The following CRTC1 variants were observed in gnomAD, a reference collection of about 807,000 sequenced individuals.
CRTC1 encodes CREB regulated transcription coactivator 1.
CRTC1 carries 18 observed loss-of-function variants against 66.1 expected under a neutral mutation model. That is an observed-to-expected ratio of 0.27 (90% CI 0.19 to 0.40). The LOEUF (loss-of-function observed/expected upper bound fraction) is 0.40, where lower values mean the gene tolerates loss of function less well. Ranked by LOEUF, CRTC1 falls within the 10% of genes least tolerant of loss-of-function variation. The pLI is 1.00. For synonymous variants in CRTC1, 416 were observed against 398.8 expected (o/e 1.04, Z -0.51); for missense variants, 669 against 887.9 (o/e 0.75, Z 3.13).
At chr19:18,774,436 G>A (rs1200474594) in intron 11 of CRTC1, among the ~76,000 whole-genome samples, 1 of 152,206 alleles carries the variant, frequency 6.6e-6, no homozygotes, top group Non-Finnish European at 1.5e-5. Context: ...GGCTCTGTGC[G>A]CCCATCCTGT....
intron 4 of CRTC1, among the ~76,000 whole-genome samples, chr19:18,749,561 G>A (rs754209288): frequency 2.6e-5 from 4 of 152,226 alleles, no homozygotes; most frequent in South Asian, 2.1e-4. Flanking sequence ...CACCTCGCGC[G>A]GCTGCTTTTT....
chr19:18,714,662 G>A (rs1387042172), intron 1 of CRTC1, among the ~76,000 whole-genome samples: 1 of 152,192 alleles, frequency 6.6e-6, no homozygotes, highest in Non-Finnish European at 1.5e-5. Context: ...GGTCAGATGT[G>A]GCTACTGGCC....
Position 18,780,397 on chromosome 19 carries a change from C to T in CRTC1, c.*3015C>T. 4.3e-6 allele frequency: 1 copy of T among 232,344 alleles called. No homozygotes were observed. The highest frequency in any genetic ancestry group is 1.8e-4 in the South Asian group (1 of 5,526). The allele number at this position is 232,344 out of a possible 1,614,324, so 14.4% of individuals were successfully genotyped here. ...AGTCTTGCAGGCAGAGGGTGTAGCC[C>T]AAGTTCAGCCTCTCTCTGTGTCCTC... On this transcript the variant is annotated 3_prime_UTR_variant, in exon 14 of 14. Coordinates refer to ENST00000321949, the MANE Select transcript of CRTC1 (RefSeq NM_015321.3).
chr19:18,765,392 C>T lies in CRTC1; in HGVS notation c.887-12C>T. On this transcript the variant is annotated splice_polypyrimidine_tract_variant and intron_variant, in intron 8 of 13. Transcript: ENST00000321949. ...TCACACCTGCTCTCCCTCCCTCCTA[C>T]TTCCTCTCTAGGAATGAGCACACCT... 3 of 1,605,600 alleles carry T rather than the reference C, an allele frequency of 1.9e-6. No homozygotes were observed. Among genetic ancestry groups the T allele is most frequent in the Non-Finnish European group, 2.6e-6 (3 of 1,174,544 alleles).
chr19:18,713,546 T>TGCACCCTTAGGTGTCCTCCTCGTGCCCC (rs1555778327), intron 1 of CRTC1, among the ~76,000 whole-genome samples: 34 of 150,084 alleles, frequency 2.3e-4, no homozygotes, highest in Non-Finnish European at 4.7e-4. Context: ...GCTGAGGCCC[T>TGCACCCTTAGGTGTCCTCCTCGTGCCCC]GCACCCTTAG....
intron 1 of CRTC1, among the ~76,000 whole-genome samples, chr19:18,685,105 T>C (rs986457872): frequency 6.6e-6 from 1 of 152,146 alleles, no homozygotes; most frequent in Non-Finnish European, 1.5e-5. Flanking sequence ...TTAACCTCAG[T>C]CTCTGATTCC....
chr19:18,744,126 G>C (rs1236947832), intron 2 of CRTC1: 4 of 1,612,770 alleles, frequency 2.5e-6, no homozygotes, highest in Non-Finnish European at 3.4e-6. Context: ...ATTTCTGGGG[G>C]AGGCCCTGGC....
In CRTC1 at chr19:18,781,963, C is replaced by G. The variant is rs2055112113; in HGVS notation, c.*4581C>G. The G allele has an allele frequency of 4.3e-6, 1 of 230,170 alleles. No individual in the cohort carries two copies. The highest frequency in any genetic ancestry group is 1.8e-4 in the South Asian group (1 of 5,508). 14.3% of individuals were successfully genotyped at this position (230,170 alleles called of 1,614,324 possible). On this transcript the variant is annotated 3_prime_UTR_variant, in exon 14 of 14. Coordinates refer to ENST00000321949, the MANE Select transcript of CRTC1 (RefSeq NM_015321.3). ...CCTGCCCACCAGGAGGGGACTTAGC[C>G]ATGGACTTGGCCAGTAGGCCTGGGG...
chr19:18,763,099 A>T (rs1302403618), intron 8 of CRTC1, among the ~76,000 whole-genome samples: 1 of 149,766 alleles, frequency 6.7e-6, no homozygotes, highest in Non-Finnish European at 1.5e-5. Flanking sequence ...ACTGTTTTTA[A>T]TTTTTTTTTT....
chr19:18,704,478 G>GA (rs1323066030), intron 1 of CRTC1, among the ~76,000 whole-genome samples: 1 of 152,156 alleles, frequency 6.6e-6, no homozygotes, highest in African/African-American at 2.4e-5. Context: ...TTGGGAGACT[G>GA]AAGCAGGTGG....
chr19:18,746,837 G>C (rs568913304), intron 3 of CRTC1, among the ~76,000 whole-genome samples: 1 of 152,332 alleles, frequency 6.6e-6, no homozygotes, highest in South Asian at 2.1e-4. Flanking sequence ...GTGCTAGGTG[G>C]ACAGGGCTGT....
intron 1 of CRTC1, among the ~76,000 whole-genome samples, chr19:18,702,786 G>A (rs900866206): frequency 1.3e-5 from 2 of 151,802 alleles, no homozygotes; most frequent in Non-Finnish European, 2.9e-5. Flanking sequence ...CACCTGCCTC[G>A]GCCCCCCAAA....
chr19:18,695,118 G>T (rs1012844491), intron 1 of CRTC1, among the ~76,000 whole-genome samples: 8 of 152,056 alleles, frequency 5.3e-5, no homozygotes, highest in East Asian at 1.9e-4. Context: ...TGATCTGCCC[G>T]CCTCGGCCTC....
intron 1 of CRTC1, among the ~76,000 whole-genome samples, chr19:18,729,382 C>T (rs538190732): frequency 1.0e-4 from 15 of 148,952 alleles, no homozygotes; most frequent in Admixed American, 8.0e-4. Context: ...GCTGAGATCG[C>T]GCCACTGCAC....
chr19:18,779,992 G>A lies in CRTC1; in HGVS notation c.*2610G>A, dbSNP rs992583716. The A allele has an allele frequency of 8.7e-6, 2 of 228,850 alleles. No individual in the cohort carries two copies. The highest frequency in any genetic ancestry group is 1.7e-5 in the Non-Finnish European group (2 of 115,312). 14.2% of individuals were successfully genotyped at this position (228,850 alleles called of 1,614,324 possible). On this transcript the variant is annotated 3_prime_UTR_variant, in exon 14 of 14. Transcript: ENST00000321949. ...ATCACGGCCTTTTGTGTGTGCGTAC[G>A]TGTGGTTTTTTTAAATATCACTACT...
intron 11 of CRTC1, among the ~76,000 whole-genome samples, chr19:18,772,136 C>G (rs2054883616): frequency 6.6e-6 from 1 of 152,152 alleles, no homozygotes; most frequent in South Asian, 2.1e-4. Flanking sequence ...CTGGGTTTTC[C>G]TGTTGCACCC....
intron 8 of CRTC1, 110 bp from the exon 9 acceptor site, chr19:18,765,294 T>C: frequency 6.9e-7 from 1 of 1,448,398 alleles, no homozygotes; most frequent in Non-Finnish European, 9.2e-7. Flanking sequence ...CATGGGCTTC[T>C]GTCTGAGCAG....
chr19:18,711,121 G>A (rs1219574967), intron 1 of CRTC1, among the ~76,000 whole-genome samples: 1 of 152,158 alleles, frequency 6.6e-6, no homozygotes, highest in Non-Finnish European at 1.5e-5. Context: ...GGTGAGACCC[G>A]CATTCCCAGC....
At chr19:18,714,757 C>A (rs927945236) in intron 1 of CRTC1, among the ~76,000 whole-genome samples, 1 of 152,202 alleles carries the variant, frequency 6.6e-6, no homozygotes, top group Non-Finnish European at 1.5e-5. Flanking sequence ...GTCGTTCTCA[C>A]CCCCAAATGT....
Sources: allele counts gnomAD v4.1 joint callset (sites outside exome capture counted in the v4.1 genomes callset), GRCh38; gene constraint gnomAD v4.1.1; transcripts MANE v1.5; gene names NCBI Gene and HGNC (gene_info 2026-07-23, HGNC 2026-07-21).